The following SGIP1 variants were observed in gnomAD, a reference collection of about 807,000 sequenced individuals.
SGIP1 encodes the protein SH3GL interacting endocytic adaptor 1.
Under a neutral mutation model 107.5 loss-of-function variants are expected in SGIP1, and 38 were observed. That is an observed-to-expected ratio of 0.35 (90% CI 0.27 to 0.46). The LOEUF is 0.46. Ranked by LOEUF, SGIP1 falls within the 20% of genes least tolerant of loss-of-function variation. SGIP1 has a pLI of 1.00. For synonymous variants in SGIP1, 365 were observed against 366.1 expected (o/e 1.00, Z 0.03); for missense variants, 929 against 1,019.5 (o/e 0.91, Z 1.21).
chr1:66,645,719 G>A (rs981150738), intron 7 of SGIP1, among the ~76,000 whole-genome samples: 1 of 152,176 alleles, frequency 6.6e-6, no homozygotes, highest in Non-Finnish European at 1.5e-5. Context: ...AGGTGAGCAG[G>A]TTTCTGGATG....
Position 66,733,755 on chromosome 1 carries a change from A to G in SGIP1, c.1906A>G (p.Thr636Ala), listed in dbSNP as rs749576097. 1 of 1,612,802 alleles carries G rather than the reference A, an allele frequency of 6.2e-7. No individual in the cohort carries two copies. The highest frequency in any genetic ancestry group is 8.5e-7 in the Non-Finnish European group (1 of 1,179,354). Residue 636 changes from threonine to alanine, a missense_variant, in exon 21 of 25, where the codon ACA (threonine) becomes GCA (alanine). This residue lies in a region of SGIP1 where 341 missense variants were observed against 430.9 expected (regional missense o/e 0.79). Coordinates refer to ENST00000371037, the MANE Select transcript of SGIP1 (RefSeq NM_032291.4). The stretch of plus-strand genomic sequence containing the variant: ...TTCTTCCCAAATGAACAGTGATAAT[A>G]CACAAAATGATGCCAATACCAAGGA... Reference protein sequence around the residue: ...PNPQLLCCDNTQNDANTKEFW... With the variant: ...PNPQLLCCDNAQNDANTKEFW...
intron 18 of SGIP1, among the ~76,000 whole-genome samples, chr1:66,711,134 T>G (rs1023709873): frequency 2.0e-5 from 3 of 152,192 alleles, no homozygotes; most frequent in African/African-American, 7.2e-5. Flanking sequence ...CAACTTTAGT[T>G]TATGACAGCT....
intron 1 of SGIP1, among the ~76,000 whole-genome samples, chr1:66,603,439 C>A (rs1012930613): frequency 1.3e-5 from 2 of 152,036 alleles, no homozygotes; most frequent in African/African-American, 4.8e-5. Context: ...ACAATGCTTT[C>A]TCAATGGTTT....
chr1:66,671,866 G>T, intron 10 of SGIP1, 78 bp from the exon 11 acceptor site: 1 of 1,384,944 alleles, frequency 7.2e-7, no homozygotes, highest in Non-Finnish European at 1.0e-6. Flanking sequence ...ATCTCTAAGT[G>T]TTTCCAAACA....
At chr1:66,572,724 C>A (rs1215691957) in intron 1 of SGIP1, among the ~76,000 whole-genome samples, 1 of 151,852 alleles carries the variant, frequency 6.6e-6, no homozygotes, top group African/African-American at 2.4e-5. Flanking sequence ...AATATGCAGC[C>A]CCTACATAAA....
intron 12 of SGIP1, 51 bp downstream of exon 12, chr1:66,673,417 G>T (rs2084348807): frequency 6.9e-7 from 1 of 1,445,386 alleles, no homozygotes; most frequent in Non-Finnish European, 9.4e-7. Flanking sequence ...TTTTATTAAA[G>T]TACAACTCTT....
chr1:66,655,601 A>G (rs1479161547), intron 7 of SGIP1, among the ~76,000 whole-genome samples: 1 of 152,228 alleles, frequency 6.6e-6, no homozygotes, highest in East Asian at 1.9e-4. Flanking sequence ...CCTAGGCTGC[A>G]TGGTATAGCC....
chr1:66,748,254 G>A lies in SGIP1; in HGVS notation c.*5159G>A, dbSNP rs1424703685. On this transcript the variant is annotated 3_prime_UTR_variant, in exon 25 of 25. Coordinates refer to ENST00000371037, the MANE Select transcript of SGIP1 (RefSeq NM_032291.4). Reference sequence around the variant, plus strand: ...GAGTGTATGGAAGGAAAATGAGATAGGAGTACATTGCTTAAGTCTCTAAAT... The same window carrying A: ...GAGTGTATGGAAGGAAAATGAGATAAGAGTACATTGCTTAAGTCTCTAAAT... 6.6e-6 allele frequency: 1 copy of A among 151,882 alleles called. No homozygotes were observed. The highest frequency in any genetic ancestry group is 2.4e-5 in the African/African-American group (1 of 41,416). 9.4% of individuals were successfully genotyped at this position (151,882 alleles called of 1,614,324 possible).
rs374600239 is a variant in SGIP1, at chr1:66,681,892, G to A, written c.838G>A (p.Val280Ile). ...AGGAAATGACCAGTCAGCCACAGAG[G>A]TCAAAATTGAAAAACTACCATCCAT... Reference protein sequence around the residue: ...GPGNDQSATEVKIEKLPSIND... With the variant: ...GPGNDQSATEIKIEKLPSIND... The change falls in exon 15 of 25, where the codon GTC becomes ATC. Residue 280 changes from valine (V) to isoleucine (I), a missense_variant. Val to Ile is a conservative substitution (Grantham distance 29). This residue lies in a region of SGIP1 where 588 missense variants were observed against 588.6 expected (regional missense o/e 1.00). Transcript: ENST00000371037. 3.7e-6 allele frequency: 6 copies of A among 1,613,340 alleles called. No homozygotes were observed. Among genetic ancestry groups the A allele is most frequent in the Admixed American group, 1.7e-5 (1 of 59,968 alleles).
At position 66,733,603 on chromosome 1, in the gene SGIP1, A is replaced by G. The variant is rs921737235; in HGVS notation, c.1899-145A>G. On this transcript the variant is annotated intron_variant, in intron 20 of 24. Transcript: ENST00000371037. The stretch of plus-strand genomic sequence containing the variant: ...AGAACTGTATTTGTATGAAAACCAC[A>G]CTACTGTTAATAGATTCATAATAAT... 12 of 788,216 alleles carry G rather than the reference A, an allele frequency of 1.5e-5. No homozygotes were observed. In the African/African-American group the frequency reaches 1.6e-4, roughly 10 times the overall value. The allele number at this position is 788,216 out of a possible 1,614,324, so 48.8% of individuals were successfully genotyped here. A position where few individuals can be genotyped will look rare whatever the true frequency, so the allele number is the denominator to read the frequency against.
intron 1 of SGIP1, among the ~76,000 whole-genome samples, chr1:66,575,048 A>T (rs1183920426): frequency 6.6e-6 from 1 of 152,142 alleles, no homozygotes; most frequent in African/African-American, 2.4e-5. Flanking sequence ...ACTTTTTAAG[A>T]TGTCTTTTGA....
At chr1:66,671,065 A>C (rs2083665741) in intron 10 of SGIP1, 46 bp downstream of exon 10, 1 of 1,029,060 alleles carries the variant, frequency 9.7e-7, no homozygotes, top group Non-Finnish European at 1.4e-6. Context: ...TTTAAAAGAA[A>C]GAACAGTTCC....
In SGIP1 at chr1:66,751,066, G is replaced by C. The variant is rs2094614845; in HGVS notation, c.*7971G>C. Among the ~76,000 whole-genome samples, 1 of 152,124 alleles carries C rather than the reference G, an allele frequency of 6.6e-6. No homozygotes were observed. The highest frequency in any genetic ancestry group is 1.5e-5 in the Non-Finnish European group (1 of 68,016). ...GAACAAAGTTTAATTCTATATGTAA[G>C]TTGTTACTGAAATGTGATTTCTTTT... On this transcript the variant is annotated 3_prime_UTR_variant, in exon 25 of 25. Coordinates refer to ENST00000371037, the MANE Select transcript of SGIP1 (RefSeq NM_032291.4).
At chr1:66,672,169 A>G (rs867721883) in intron 11 of SGIP1, among the ~76,000 whole-genome samples, 174 bp downstream of exon 11, 14 of 152,320 alleles carry the variant, frequency 9.2e-5, no homozygotes, top group Middle Eastern at 3.4e-3. Flanking sequence ...TCATAAGTGC[A>G]GCCCAAGGGA....
intron 1 of SGIP1, among the ~76,000 whole-genome samples, chr1:66,575,460 G>A (rs2060934011): frequency 6.6e-6 from 1 of 152,046 alleles, no homozygotes; most frequent in Admixed American, 6.6e-5. Context: ...GTTTTGGAAA[G>A]GAGACATTTC....
Position 66,690,302 on chromosome 1 carries a change from C to A in SGIP1, c.1556C>A (p.Thr519Asn), listed in dbSNP as rs2150100426. The stretch of plus-strand genomic sequence containing the variant: ...TCAACCAATTCCTTGAGCGCAGCCA[C>A]CACTCCCACAGTTGGTAAAAATTCT... The part of the protein sequence containing the change: ...ISSTNSLSAA[T>N]TPTVENEQPS... The change falls in exon 17 of 25, where the codon ACC becomes AAC. Residue 519 changes from threonine to asparagine, a missense_variant. Physicochemically the swap from Thr to Asn is moderately conservative, Grantham distance 65. Coordinates refer to ENST00000371037, the MANE Select transcript of SGIP1 (RefSeq NM_032291.4). 1 of 1,614,128 alleles carries A rather than the reference C, an allele frequency of 6.2e-7. No individual in the cohort carries two copies. The highest frequency in any genetic ancestry group is 2.2e-5 in the East Asian group (1 of 44,874).
intron 19 of SGIP1, among the ~76,000 whole-genome samples, chr1:66,720,245 A>G (rs1489222420): frequency 7.9e-6 from 1 of 127,292 alleles, no homozygotes; most frequent in African/African-American, 3.0e-5. Context: ...ATCCAAAAAA[A>G]GATTAAAAGT....
chr1:66,670,148 C>A (rs564693422), intron 9 of SGIP1, among the ~76,000 whole-genome samples: 1 of 152,310 alleles, frequency 6.6e-6, no homozygotes, highest in Non-Finnish European at 1.5e-5. Context: ...TGCTGTACCC[C>A]ACGATGCAAC....
chr1:66,744,750 T>C lies in SGIP1; in HGVS notation c.*1655T>C, dbSNP rs1205246246. On this transcript the variant is annotated 3_prime_UTR_variant, in exon 25 of 25. Transcript: ENST00000371037. ...CTATCAGTGCTTGCTACCAAGAGAA[T>C]GTCCAAAATGATTTGTTTTACCATG... 6.6e-6 allele frequency: 1 copy of C among 152,496 alleles called. No homozygotes were observed. Among genetic ancestry groups the C allele is most frequent in the Admixed American group, 6.5e-5 (1 of 15,278 alleles). The allele number at this position is 152,496 out of a possible 1,614,324, so 9.4% of individuals were successfully genotyped here. A position where few individuals can be genotyped will look rare whatever the true frequency, so the allele number is the denominator to read the frequency against.
Sources: gnomAD v4.1 joint callset for allele counts (sites outside exome capture counted in the v4.1 genomes callset) on GRCh38, gnomAD v4.1.1 for gene constraint, gnomAD v4.1.1 regional missense constraint, MANE v1.5 for transcripts, NCBI Gene and HGNC (gene_info 2026-07-23, HGNC 2026-07-21) for gene names.